Variants in FN1 observed in about 807,000 individuals in gnomAD.
The protein encoded by FN1 is fibronectin 1, also known as fibronectin.
Under a neutral mutation model 297.3 loss-of-function variants are expected in FN1, and 106 were observed. The ratio of observed to expected loss-of-function variants is 0.36; its 90% CI spans 0.30 to 0.42. The LOEUF is 0.42. FN1 is among the 10% of genes least tolerant of loss of function. FN1 has a pLI of 1.00. For missense variants in FN1, 2,690 were observed against 3,124.9 expected (o/e 0.86, Z 3.32); for synonymous variants, 1,149 against 1,152.6 (o/e 1.00, Z 0.06).
In FN1 at chr2:215,408,346, A is replaced by G; in HGVS notation, c.2380T>C (p.Ser794Pro). The change falls in exon 16 of 46, where the codon TCT (serine) becomes CCT (proline). Residue 794 changes from serine (S) to proline (P), a missense_variant. Physicochemically the swap from Ser to Pro is moderately conservative, Grantham distance 74. Transcript: ENST00000354785. ...ATCAAACTCTGCTCCCCATCCTCAG[A>G]TATCTGATAGACATTTACAATGTAT... ...RKYIVNVYQISEDGEQSLILS... is the reference protein window; with the variant it reads ...RKYIVNVYQIPEDGEQSLILS... 6.2e-7 allele frequency: 1 copy of G among 1,614,114 alleles called. No individual in the cohort carries two copies. The highest frequency in any genetic ancestry group is 8.5e-7 in the Non-Finnish European group (1 of 1,179,972).
intron 10 of FN1, chr2:215,421,230 G>C (rs1450533455): frequency 4.1e-6 from 1 of 244,912 alleles, no homozygotes; most frequent in Non-Finnish European, 8.0e-6. Flanking sequence ...CTGGTCTCTG[G>C]AATAGGGGGA....
Position 215,380,941 on chromosome 2 carries a change from GAATAGC to G in FN1, c.5298_5303del (p.Glu1766_Phe1768delinsAsp). On this transcript the variant is annotated inframe_deletion, in exon 33 of 46. Transcript: ENST00000354785. The stretch of plus-strand genomic sequence containing the variant: ...TGTCTTCTTCACCATCAGGTGCAGG[GAATAGC>G]TCATGGATTCCATCCTCAGGGCTCG... 2 of 1,614,226 alleles carry G rather than the reference GAATAGC, an allele frequency of 1.2e-6. No individual in the cohort carries two copies. Among genetic ancestry groups the G allele is most frequent in the Non-Finnish European group, 1.7e-6 (2 of 1,180,048 alleles).
At chr2:215,412,752 TTAAG>T (rs1156404205) in intron 13 of FN1, among the ~76,000 whole-genome samples, 1 of 136,832 alleles carries the variant, frequency 7.3e-6, no homozygotes, top group Non-Finnish European at 1.5e-5. Context: ...AAGTATTATA[TTAAG>T]TATCTTTTTT....
Position 215,367,909 on chromosome 2 carries a change from G to A in FN1, c.6972C>T (p.Cys2324=). ...GACCACTTCCAAAGCCTAAGCACTGGCACAACAGTTTAAAGCCTGATTCAG... is the reference window on the plus strand; with the variant it reads ...GACCACTTCCAAAGCCTAAGCACTGACACAACAGTTTAAAGCCTGATTCAG... ...RMSESGFKLL[C]QCLGFGSGHF... The change falls in exon 42 of 46, where the codon TGC becomes TGT. Residue 2324 remains cysteine (C), a synonymous_variant. Coordinates refer to ENST00000354785, the MANE Select transcript of FN1 (RefSeq NM_212482.4). 6.2e-7 allele frequency: 1 copy of A among 1,614,092 alleles called. No homozygotes were observed. The highest frequency in any genetic ancestry group is 8.5e-7 in the Non-Finnish European group (1 of 1,179,982).
At chr2:215,380,313 GCCC>G in intron 33 of FN1, 1 of 171,840 alleles carries the variant, frequency 5.8e-6, no homozygotes, top group South Asian at 1.4e-4. Flanking sequence ...GAAAGCAATT[GCCC>G]TATTGATTAT....
chr2:215,401,296 GAGAGAA>G (rs1436267733), intron 20 of FN1, among the ~76,000 whole-genome samples: 2 of 138,920 alleles, frequency 1.4e-5, no homozygotes, highest in Non-Finnish European at 3.1e-5. Context: ...AAAAGAGAGA[GAGAGAA>G]AGGAAGGAAG....
chr2:215,421,506 A>G (rs568457826), intron 10 of FN1, among the ~76,000 whole-genome samples: 1 of 152,346 alleles, frequency 6.6e-6, no homozygotes, highest in African/African-American at 2.4e-5. Context: ...ATTCAGACCA[A>G]TATCTACGCA....
intron 10 of FN1, 156 bp from the exon 11 acceptor site, chr2:215,420,957 CAA>C: frequency 1.2e-6 from 1 of 800,584 alleles, no homozygotes; most frequent in Non-Finnish European, 2.0e-6. Context: ...ACATTTTTTT[CAA>C]AGTTTGGTCA....
At chr2:215,410,181 G>T in intron 13 of FN1, 67 bp from the exon 14 acceptor site, 1 of 1,458,178 alleles carries the variant, frequency 6.9e-7, no homozygotes, top group Non-Finnish European at 9.4e-7. Flanking sequence ...ATTTGAAGAT[G>T]ATGTTCAGTA....
intron 13 of FN1, among the ~76,000 whole-genome samples, chr2:215,414,360 T>A (rs1250267): frequency 0.026 from 3,956 of 152,198 alleles, 175 homozygotes; most frequent in African/African-American, 0.091. Flanking sequence ...CTAAATAAAT[T>A]CAGTGGGTCA....
chr2:215,369,687 G>A (rs1030842224), intron 41 of FN1, among the ~76,000 whole-genome samples: 2 of 151,940 alleles, frequency 1.3e-5, no homozygotes, highest in South Asian at 4.2e-4. Context: ...CTACAAAGAA[G>A]AGTTAATGAT....
In FN1 at chr2:215,408,493, TAAG is replaced by T. The variant is rs2062100869; in HGVS notation, c.2300-70_2300-68del. 1.4e-5 allele frequency: 21 copies of T among 1,481,346 alleles called. No individual in the cohort carries two copies. In the South Asian group the frequency reaches 2.2e-4, roughly 15 times the overall value. The allele number at this position is 1,481,346 out of a possible 1,614,324, so 91.8% of individuals were successfully genotyped here. ...GTCCCTCAAATGACTCTACAGCTTA[TAAG>T]AAGGATATTTTAAGAATTATATATT... On this transcript the variant is annotated intron_variant, in intron 15 of 45. Transcript: ENST00000354785.
chr2:215,415,777 T>C (rs922884198), intron 12 of FN1, among the ~76,000 whole-genome samples: 5 of 152,034 alleles, frequency 3.3e-5, no homozygotes, highest in Non-Finnish European at 5.9e-5. Context: ...AAAAGGAAAA[T>C]AAGGGAAGTA....
Position 215,372,302 on chromosome 2 carries a change from T to G in FN1, c.6321A>C (p.Thr2107=), listed in dbSNP as rs774228554. ...GGGTGACGAAAGGGGTCTTTTGAAC[T>G]GTGGAAGGAACATCCAAGATCTCTG... is the stretch of plus-strand genomic sequence containing the variant. The part of the protein sequence containing the change: ...HGPEILDVPS[T]VQKTPFVTHP... The change falls in exon 40 of 46, where the codon ACA becomes ACC. Residue 2107 remains threonine (T), a synonymous_variant. Coordinates refer to ENST00000354785, the MANE Select transcript of FN1 (RefSeq NM_212482.4). The G allele has an allele frequency of 2.6e-5, 42 of 1,614,048 alleles. No individual in the cohort carries two copies. The highest frequency in any genetic ancestry group is 3.5e-5 in the Non-Finnish European group (41 of 1,180,032).
At chr2:215,371,720 C>G in intron 40 of FN1, 189 bp downstream of exon 40, 1 of 511,412 alleles carries the variant, frequency 2.0e-6, no homozygotes. Flanking sequence ...ACCATGTTGG[C>G]CAGGCTGGTC....
Position 215,382,197 on chromosome 2 carries a change from G to A in FN1, c.5164+15C>T. On this transcript the variant is annotated intron_variant, in intron 32 of 45. Transcript: ENST00000354785. ...ATTTGACTTTGAAAATGGAAACCAA[G>A]CAGTGGTTACGTACTGGTTACTGCA... The A allele has an allele frequency of 1.3e-6, 2 of 1,558,778 alleles. No homozygotes were observed. Among genetic ancestry groups the A allele is most frequent in the South Asian group, 2.2e-5 (2 of 90,012 alleles).
chr2:215,434,595 T>C (rs765285015), intron 2 of FN1, 101 bp downstream of exon 2: 53 of 1,351,122 alleles, frequency 3.9e-5, no homozygotes, highest in Non-Finnish European at 5.4e-5. Flanking sequence ...GGTAATTCTA[T>C]TAGAAAAATG....
At chr2:215,391,586 A>G (rs569650797) in intron 26 of FN1, 46 bp downstream of exon 26, 2 of 1,521,018 alleles carry the variant, frequency 1.3e-6, no homozygotes, top group Non-Finnish European at 1.8e-6. Context: ...TTCATTTGCT[A>G]TGCTCTAGGT....
intron 38 of FN1, among the ~76,000 whole-genome samples, chr2:215,373,671 C>CTTTT (rs58966623): frequency 8.0e-6 from 1 of 125,450 alleles, no homozygotes; most frequent in Non-Finnish European, 1.6e-5. Context: ...CCAGGGTATT[C>CTTTT]TTTTTTTTTT....
Sources: gnomAD v4.1 joint callset for allele counts (sites outside exome capture counted in the v4.1 genomes callset) on GRCh38, gnomAD v4.1.1 for gene constraint, MANE v1.5 for transcripts, NCBI Gene and HGNC (gene_info 2026-07-23, HGNC 2026-07-21) for gene names.